HACD3: variants seen among roughly 807,000 people sequenced by gnomAD.
The protein encoded by HACD3 is very-long-chain (3R)-3-hydroxyacyl-CoA dehydratase 3.
In HACD3, 30 loss-of-function variants were observed where a neutral mutation model predicts 55.2. The ratio of observed to expected loss-of-function variants is 0.54; its 90% CI spans 0.41 to 0.74. The LOEUF (loss-of-function observed/expected upper bound fraction) is 0.74. Among genes scored for constraint, HACD3 ranks in the 30% least tolerant of loss-of-function variants. The probability of loss-of-function intolerance (pLI) is 0.00; values close to 1 mark genes in which losing one functional copy is unlikely to be tolerated. For synonymous variants in HACD3, 141 were observed against 151.7 expected (o/e 0.93, Z 0.52); for missense variants, 363 against 440.1 (o/e 0.82, Z 1.57).
intron 1 of HACD3, among the ~76,000 whole-genome samples, chr15:65,532,832 T>TCTA (rs1478890370): frequency 6.6e-6 from 1 of 152,166 alleles, no homozygotes; most frequent in African/African-American, 2.4e-5. Context: ...CTCTAACACA[T>TCTA]GTAAGGTAGT....
rs747966375 is a variant in HACD3 at position 65,562,815 on chromosome 15, C to G, written c.463C>G (p.Leu155Val). 2.5e-6 allele frequency: 4 copies of G among 1,613,806 alleles called. No individual in the cohort carries two copies. The Admixed American group carries it at 6.7e-5, about 27-fold the overall frequency. Residue 155 changes from leucine to valine, a missense_variant, in exon 6 of 11, where the codon CTT (leucine) becomes GTT (valine). Physicochemically the swap from Leu to Val is conservative, Grantham distance 32. Transcript: ENST00000261875. ...GAAAGGATACCTGTTTATGTATAAT[C>G]TTGTGCAATTCTTGGGATTCTCCTG... ...LRKGYLFMYN[L>V]VQFLGFSWIF... is the part of the protein sequence containing the mutation.
intron 1 of HACD3, among the ~76,000 whole-genome samples, chr15:65,543,706 G>A (rs2072044711): frequency 6.6e-6 from 1 of 152,086 alleles, no homozygotes; most frequent in Non-Finnish European, 1.5e-5. Context: ...TGAAAAAATG[G>A]CCAATTATTC....
chr15:65,546,468 A>T (rs1299599238), intron 1 of HACD3, among the ~76,000 whole-genome samples: 2 of 152,226 alleles, frequency 1.3e-5, no homozygotes, highest in African/African-American at 4.8e-5. Context: ...TATGCATATA[A>T]AAGGCAAATA....
chr15:65,566,234 G>C (rs1403002223), intron 7 of HACD3: 1 of 154,164 alleles, frequency 6.5e-6, no homozygotes, highest in Non-Finnish European at 1.4e-5. Flanking sequence ...CCTCCAAACT[G>C]TTCCAACCTC....
At chr15:65,554,818 C>A in intron 2 of HACD3, 69 bp from the exon 3 acceptor site, 1 of 1,101,208 alleles carries the variant, frequency 9.1e-7, no homozygotes, top group Non-Finnish European at 1.4e-6. Context: ...GAAAGAACTG[C>A]ACCAAGCTGG....
intron 1 of HACD3, chr15:65,535,682 TG>T: frequency 2.2e-6 from 1 of 445,274 alleles, no homozygotes; most frequent in Non-Finnish European, 4.0e-6. Flanking sequence ...CTGTGATCAG[TG>T]ATCTTTGATG....
At chr15:65,573,275 CTAACTA>C (rs1028915973) in intron 10 of HACD3, among the ~76,000 whole-genome samples, 2 of 152,048 alleles carry the variant, frequency 1.3e-5, no homozygotes, top group African/African-American at 4.8e-5. Flanking sequence ...AAAAGGCTTC[CTAACTA>C]TAAGGATTTT....
At chr15:65,573,365 T>C (rs538030525) in intron 10 of HACD3, among the ~76,000 whole-genome samples, 3 of 152,242 alleles carry the variant, frequency 2.0e-5, no homozygotes, top group South Asian at 4.1e-4. Context: ...CCCAGCACTT[T>C]GGGAGGCTGA....
Position 65,548,834 on chromosome 15 carries a change from G to C in HACD3, c.88-2842G>C, listed in dbSNP as rs552603571. On this transcript the variant is annotated intron_variant, in intron 1 of 10. Coordinates refer to ENST00000261875, the MANE Select transcript of HACD3 (RefSeq NM_016395.4). ...TCCTGCGTAGGCCTCCCGAAGTGTT[G>C]GGATTATAGGCATGAGCTACCTTGC... Among the ~76,000 whole-genome samples, 5 of 152,182 alleles carry C rather than the reference G, an allele frequency of 3.3e-5. No individual in the cohort carries two copies. In the South Asian group the frequency reaches 1.0e-3, roughly 32 times the overall value.
chr15:65,549,344 T>C (rs932487325), intron 1 of HACD3, among the ~76,000 whole-genome samples: 1 of 150,188 alleles, frequency 6.7e-6, no homozygotes, highest in African/African-American at 2.5e-5. Flanking sequence ...TCCCAGCACT[T>C]TGGGAGGCCG....
chr15:65,544,382 C>T (rs1490488604), intron 1 of HACD3, among the ~76,000 whole-genome samples: 1 of 152,086 alleles, frequency 6.6e-6, no homozygotes, highest in Non-Finnish European at 1.5e-5. Context: ...GACGCACATG[C>T]ACATACCTGC....
intron 6 of HACD3, among the ~76,000 whole-genome samples, chr15:65,563,120 G>C (rs1020447577): frequency 1.3e-5 from 2 of 152,012 alleles, no homozygotes; most frequent in African/African-American, 2.4e-5. Context: ...GTCAAAAATG[G>C]TTCACATCCA....
At position 65,568,461 on chromosome 15, in the gene HACD3, C is replaced by T. The variant is rs575228521; in HGVS notation, c.661-1630C>T. On this transcript the variant is annotated intron_variant, in intron 7 of 10. Transcript: ENST00000261875. ...GCAACCTCGGCCTCCCACGTTCAAG[C>T]GATTCTCCTACCTCAGCCTCCCGAG... is the stretch of plus-strand genomic sequence containing the variant. Among the ~76,000 whole-genome samples the T allele has an allele frequency of 2.3e-3, 353 of 151,494 alleles. 4 individuals carry two copies. The highest frequency in any genetic ancestry group is 8.1e-3 in the African/African-American group (334 of 41,290).
intron 1 of HACD3, among the ~76,000 whole-genome samples, chr15:65,546,335 ATTG>A (rs369423266): frequency 2.4e-4 from 37 of 152,322 alleles, no homozygotes; most frequent in African/African-American, 8.7e-4. Flanking sequence ...ATATGGAATT[ATTG>A]TTCTTAGGTA....
rs749382901 is a variant in HACD3, at chr15:65,546,601, C to CT, written c.88-5068dup. 1.8e-4 allele frequency among the ~76,000 whole-genome samples: 27 copies of CT among 152,038 alleles called. No individual in the cohort carries two copies. The East Asian group carries it at 3.1e-3, about 17-fold the overall frequency. On this transcript the variant is annotated intron_variant, in intron 1 of 10. Transcript: ENST00000261875. ...TTTTCATTATATTATACTATTTTTTCTTTTTTTACTTGAGACAGGGTCTTG... is the reference window on the plus strand; with the variant it reads ...TTTTCATTATATTATACTATTTTTTCTTTTTTTTACTTGAGACAGGGTCTTG...
At chr15:65,567,665 T>A (rs887383128) in intron 7 of HACD3, among the ~76,000 whole-genome samples, 3 of 152,160 alleles carry the variant, frequency 2.0e-5, no homozygotes, top group African/African-American at 2.4e-5. Flanking sequence ...TACAGATGAA[T>A]GGATAAGAAT....
chr15:65,551,815 T>C, intron 2 of HACD3, 97 bp downstream of exon 2: 1 of 1,441,090 alleles, frequency 6.9e-7, no homozygotes, highest in Non-Finnish European at 9.7e-7. Flanking sequence ...CTTACTTGTT[T>C]TTTGCTGATG....
At chr15:65,572,493 C>T in intron 10 of HACD3, 127 bp downstream of exon 10, 1 of 1,099,758 alleles carries the variant, frequency 9.1e-7, no homozygotes, top group Non-Finnish European at 1.3e-6. Context: ...GATTACTTTG[C>T]AAAAACAGAC....
intron 1 of HACD3, among the ~76,000 whole-genome samples, chr15:65,546,120 G>A (rs1478164347): frequency 6.6e-6 from 1 of 152,210 alleles, no homozygotes; most frequent in Admixed American, 6.5e-5. Context: ...CGTCTTGAAT[G>A]TTCCAGCCCA....
Sources: gnomAD v4.1 joint callset for allele counts (sites outside exome capture counted in the v4.1 genomes callset) on GRCh38, gnomAD v4.1.1 for gene constraint, MANE v1.5 for transcripts, NCBI Gene and HGNC (gene_info 2026-07-23, HGNC 2026-07-21) for gene names.